KIF9: variants seen among roughly 807,000 people sequenced by gnomAD.
The protein encoded by KIF9 is kinesin-like protein KIF9.
Under a neutral mutation model 94.8 loss-of-function variants are expected in KIF9, and 68 were observed. The observed-to-expected ratio is 0.72, with a 90% CI of 0.59 to 0.88. The LOEUF (loss-of-function observed/expected upper bound fraction) is 0.88, where lower values mean the gene tolerates loss of function less well. Ranked by LOEUF, KIF9 falls within the 40% of genes least tolerant of loss-of-function variation. The pLI is 0.00. For synonymous variants in KIF9, 343 were observed against 362.1 expected, an observed-to-expected ratio of 0.95 and a Z score of 0.60; for missense variants, 882 against 982.5, an observed-to-expected ratio of 0.90 and a Z score of 1.37.
intron 16 of KIF9, among the ~76,000 whole-genome samples, chr3:47,242,410 T>C (rs1417620530): frequency 6.6e-6 from 1 of 152,124 alleles, no homozygotes; most frequent in African/African-American, 2.4e-5. Context: ...ACAAGAATAG[T>C]AACATATAAA....
chr3:47,236,363 T>C, intron 18 of KIF9, 80 bp downstream of exon 18: 1 of 1,467,798 alleles, frequency 6.8e-7, no homozygotes, highest in Non-Finnish European at 9.4e-7. Flanking sequence ...ACTCTGAGGG[T>C]GCTTCCAGAA....
intron 14 of KIF9, 72 bp from the exon 15 acceptor site, chr3:47,244,996 T>A: frequency 6.3e-7 from 1 of 1,586,468 alleles, no homozygotes; most frequent in Non-Finnish European, 8.6e-7. Context: ...CCCACATGTA[T>A]ATGGCCCAAG....
chr3:47,235,753 C>A, intron 19 of KIF9, 136 bp from the exon 20 acceptor site: 1 of 694,518 alleles, frequency 1.4e-6, no homozygotes, highest in Admixed American at 2.3e-5. Context: ...ATCTCACAGC[C>A]CTCCAGCCCC....
At chr3:47,257,442 T>C (rs753284454) in intron 10 of KIF9, 41 bp downstream of exon 10, 81 of 1,569,906 alleles carry the variant, frequency 5.2e-5, no homozygotes, top group Middle Eastern at 1.7e-4. Context: ...ACCCATACAC[T>C]TTCCCCACAG....
rs115270319 is a variant in KIF9 at position 47,236,144 on chromosome 3, C to T, written c.2107G>A (p.Asp703Asn). The T allele has an allele frequency of 1.2e-6, 2 of 1,611,800 alleles. No homozygotes were observed. The highest frequency in any genetic ancestry group is 1.7e-6 in the Non-Finnish European group (2 of 1,177,914). ...ACAAAGGACTCATTGTACCAGATGT[C>T]AAATTCTACAAGGAGGTGAGGAGAC... ...QCRHRLLMEF[D>N]IWYNESFVIP... The change falls in exon 19 of 21, where the codon GAC becomes AAC. Residue 703 changes from aspartate (D) to asparagine (N), a missense_variant. By Grantham distance (23) the Asp-to-Asn change is conservative (BLOSUM62 1). Transcript: ENST00000684063.
chr3:47,255,934 A>G (rs1006555482), intron 10 of KIF9, among the ~76,000 whole-genome samples: 1 of 151,956 alleles, frequency 6.6e-6, no homozygotes, highest in African/African-American at 2.4e-5. Context: ...TGGTTTTCCT[A>G]TTTTTTTGGT....
chr3:47,282,294 T>C, intron 1 of KIF9: 1 of 985,666 alleles, frequency 1.0e-6, no homozygotes, highest in Non-Finnish European at 1.2e-6. Context: ...CAATGAACAT[T>C]AGCTCCGAAG....
At chr3:47,257,425 G>T in intron 10 of KIF9, 58 bp downstream of exon 10, 5 of 1,466,088 alleles carry the variant, frequency 3.4e-6, no homozygotes, top group Non-Finnish European at 4.8e-6. Context: ...TGTGACCCAA[G>T]CAGCAAACCC....
rs1419452687 is a variant in KIF9 at position 47,240,817 on chromosome 3, T to A, written c.1908A>T (p.Ser636=). 1 of 1,614,078 alleles carries A rather than the reference T, an allele frequency of 6.2e-7. No homozygotes were observed. The highest frequency in any genetic ancestry group is 2.2e-5 in the East Asian group (1 of 44,890). ...CACATTTACCTTGCTTCTCCCGTAG[T>A]GACTTCTGGAAATTCAGGGCCTCCT... ...VTKEALNFQK[S]LREKQGKYEN... The change falls in exon 17 of 21, where the codon TCA becomes TCT. Residue 636 remains serine, a synonymous_variant. Transcript: ENST00000684063.
chr3:47,235,177 C>T (rs1698925759), intron 20 of KIF9, among the ~76,000 whole-genome samples: 1 of 152,236 alleles, frequency 6.6e-6, no homozygotes, highest in Non-Finnish European at 1.5e-5. Context: ...GCATGTGATC[C>T]TCTGTCCCCT....
chr3:47,247,503 G>T, intron 11 of KIF9, 26 bp from the exon 12 acceptor site: 12 of 1,554,706 alleles, frequency 7.7e-6, no homozygotes, highest in Non-Finnish European at 9.8e-6. Flanking sequence ...AGAACATGTG[G>T]ATAAGCAACA....
At chr3:47,239,244 GAA>G (rs1038018222) in intron 17 of KIF9, among the ~76,000 whole-genome samples, 1 of 152,134 alleles carries the variant, frequency 6.6e-6, no homozygotes, top group African/African-American at 2.4e-5. Flanking sequence ...CTCATCCTTT[GAA>G]ACTGTCCACT....
At chr3:47,257,005 C>A (rs539937245) in intron 10 of KIF9, among the ~76,000 whole-genome samples, 2 of 152,198 alleles carry the variant, frequency 1.3e-5, no homozygotes, top group African/African-American at 2.4e-5. Context: ...ACAAACACTG[C>A]GGAAGGCCAG....
chr3:47,246,325 G>C, intron 12 of KIF9, 73 bp from the exon 13 acceptor site: 1 of 1,256,812 alleles, frequency 8.0e-7, no homozygotes, highest in East Asian at 2.4e-5. Flanking sequence ...TATGTTAGTA[G>C]AGAAATCAAG....
At chr3:47,237,859 G>A (rs915941417) in intron 17 of KIF9, among the ~76,000 whole-genome samples, 1 of 152,212 alleles carries the variant, frequency 6.6e-6, no homozygotes, top group Non-Finnish European at 1.5e-5. Context: ...CCCTCACCAG[G>A]TGTCTCACCT....
chr3:47,252,655 C>T (rs1395039995), intron 10 of KIF9, among the ~76,000 whole-genome samples: 1 of 151,984 alleles, frequency 6.6e-6, no homozygotes, highest in Admixed American at 6.6e-5. Flanking sequence ...ACAGGTACAA[C>T]GTCCACCCAG....
intron 14 of KIF9, 32 bp downstream of exon 14, chr3:47,245,389 G>T: frequency 6.6e-7 from 1 of 1,518,006 alleles, no homozygotes; most frequent in Non-Finnish European, 9.2e-7. Context: ...AATCTGAGGT[G>T]AGTGCTGTCG....
At chr3:47,263,642 C>T in intron 9 of KIF9, 1 of 351,940 alleles carries the variant, frequency 2.8e-6, no homozygotes, top group Non-Finnish European at 5.6e-6. Flanking sequence ...CCCCAGCCAG[C>T]TCAGTGCCCA....
At chr3:47,274,165 T>C (rs1297525224) in intron 3 of KIF9, among the ~76,000 whole-genome samples, 2 of 152,218 alleles carry the variant, frequency 1.3e-5, no homozygotes, top group Non-Finnish European at 2.9e-5. Flanking sequence ...GAATTCTTTG[T>C]AGACTACAAA....
Sources: allele counts gnomAD v4.1 joint callset (sites outside exome capture counted in the v4.1 genomes callset), GRCh38; gene constraint gnomAD v4.1.1; transcripts MANE v1.5; gene names NCBI Gene and HGNC (gene_info 2026-07-23, HGNC 2026-07-21).